The following RAP1GAP2 variants were observed in gnomAD, a reference collection of about 807,000 sequenced individuals.
RAP1GAP2 encodes rap1 GTPase-activating protein 2.
Under a neutral mutation model 95.0 loss-of-function variants are expected in RAP1GAP2, and 27 were observed. The observed-to-expected ratio is 0.28, with a 90% CI of 0.21 to 0.39. The LOEUF (loss-of-function observed/expected upper bound fraction) is 0.39. RAP1GAP2 is among the 10% of genes least tolerant of loss of function. RAP1GAP2 has a pLI of 1.00. For missense variants in RAP1GAP2, 771 were observed against 970.0 expected, an observed-to-expected ratio of 0.79 and a Z score of 2.72; for synonymous variants, 373 against 380.9, an observed-to-expected ratio of 0.98 and a Z score of 0.24.
At position 2,965,217 on chromosome 17, in the gene RAP1GAP2, C is replaced by CT. The variant is rs751431482; in HGVS notation, c.493-321dup. The CT allele has an allele frequency of 1.6e-4, 58 of 362,516 alleles. No homozygotes were observed. Among genetic ancestry groups the CT allele is most frequent in the Admixed American group, 5.5e-4 (13 of 23,568 alleles). 22.5% of individuals were successfully genotyped at this position (362,516 alleles called of 1,614,324 possible). A position where few individuals can be genotyped will look rare whatever the true frequency, so the allele number is the denominator to read the frequency against. On this transcript the variant is annotated intron_variant, in intron 7 of 24. Coordinates refer to ENST00000254695, the MANE Select transcript of RAP1GAP2 (RefSeq NM_015085.5). This position sits in a 1 kb window ranked among gnomAD's most constrained non-coding sequence, Gnocchi z 4.7. Reference sequence around the variant, plus strand: ...GTGCGTTTGAACCCTGGATCTGTCCCTTACTCATCGTGTCATCCTGGGCAG... The same window carrying CT: ...GTGCGTTTGAACCCTGGATCTGTCCCTTTACTCATCGTGTCATCCTGGGCAG...
intron 3 of RAP1GAP2, among the ~76,000 whole-genome samples, chr17:2,925,072 G>A (rs769709574): frequency 6.6e-6 from 1 of 152,208 alleles, no homozygotes; most frequent in African/African-American, 2.4e-5. Flanking sequence ...CAGTTCCGTG[G>A]TCTGGAGAGC....
rs570157111 is a variant in RAP1GAP2 at position 2,965,696 on chromosome 17, C to T, written c.596+53C>T. 21 of 1,349,966 alleles carry T rather than the reference C, an allele frequency of 1.6e-5. No individual in the cohort carries two copies. Among genetic ancestry groups the T allele is most frequent in the African/African-American group, 1.2e-4 (8 of 69,556 alleles). The allele number at this position is 1,349,966 out of a possible 1,614,324, so 83.6% of individuals were successfully genotyped here. On this transcript the variant is annotated intron_variant, in intron 8 of 24. Coordinates refer to ENST00000254695, the MANE Select transcript of RAP1GAP2 (RefSeq NM_015085.5). This position sits in a 1 kb window ranked among gnomAD's most constrained non-coding sequence, Gnocchi z 4.7. ...CTTCTCTTCCAGGCAGGGCTCTCAT[C>T]GGTGGTGTGGGGGCTGGGATGGGAC...
chr17:2,808,935 T>C (rs1178550291), intron 2 of RAP1GAP2, among the ~76,000 whole-genome samples: 2 of 152,180 alleles, frequency 1.3e-5, no homozygotes, highest in African/African-American at 2.4e-5. Flanking sequence ...ATGGTAACCA[T>C]GAACATGCCT....
At chr17:2,916,038 T>C (rs2042557103) in intron 3 of RAP1GAP2, among the ~76,000 whole-genome samples, 1 of 152,154 alleles carries the variant, frequency 6.6e-6, no homozygotes, top group African/African-American at 2.4e-5. Context: ...TAGGATAAAC[T>C]TGTTTTAATT....
At chr17:2,976,533 A>T (rs2045128980) in intron 8 of RAP1GAP2, among the ~76,000 whole-genome samples, 1 of 152,226 alleles carries the variant, frequency 6.6e-6, no homozygotes, top group African/African-American at 2.4e-5. Flanking sequence ...TGTGTATCAA[A>T]TTGTGTGGGC....
chr17:2,889,008 C>T (rs1380601679), intron 2 of RAP1GAP2, among the ~76,000 whole-genome samples: 1 of 152,088 alleles, frequency 6.6e-6, no homozygotes, highest in Non-Finnish European at 1.5e-5. Context: ...GACTCAGGTT[C>T]ATTCCACACC....
chr17:2,857,517 C>T lies in RAP1GAP2; in HGVS notation c.81-47767C>T, dbSNP rs187214167. Among the ~76,000 whole-genome samples, 108 of 152,272 alleles carry T rather than the reference C, an allele frequency of 7.1e-4. No homozygotes were observed. The highest frequency in any genetic ancestry group is 2.4e-3 in the African/African-American group (98 of 41,548). ...TCATGTTGGACTTGACCGTGCTCTA[C>T]GGGAGCTGTGGGGCAGCCTGGAGGT... On this transcript the variant is annotated intron_variant, in intron 2 of 24. Transcript: ENST00000254695. This position sits in a 1 kb window ranked among gnomAD's most constrained non-coding sequence, Gnocchi z 4.0.
intron 2 of RAP1GAP2, among the ~76,000 whole-genome samples, chr17:2,852,342 G>A (rs1189108669): frequency 1.3e-5 from 2 of 151,416 alleles, no homozygotes; most frequent in Non-Finnish European, 2.9e-5. Flanking sequence ...GGGGGTGGGG[G>A]TGGGGGTGGG....
chr17:2,784,534 G>A (rs1014670143), intron 1 of RAP1GAP2, among the ~76,000 whole-genome samples: 3 of 152,300 alleles, frequency 2.0e-5, no homozygotes, highest in Middle Eastern at 3.4e-3. Context: ...GCATCCCAAA[G>A]TGCTGGGATT....
intron 2 of RAP1GAP2, among the ~76,000 whole-genome samples, chr17:2,806,087 CG>C (rs2151489066): frequency 6.6e-6 from 1 of 152,258 alleles, no homozygotes; most frequent in East Asian, 1.9e-4. Context: ...AGGAGAAGGA[CG>C]GGGAGGGCCT....
At chr17:2,755,884 C>A in intron 1 of RAP1GAP2, 1 of 298,820 alleles carries the variant, frequency 3.3e-6, no homozygotes, top group Non-Finnish European at 6.2e-6. Context: ...GGCTGCGGGG[C>A]CCGGGTGGGC....
chr17:2,932,760 G>A (rs2043194240), intron 3 of RAP1GAP2, among the ~76,000 whole-genome samples: 1 of 138,308 alleles, frequency 7.2e-6, no homozygotes, highest in African/African-American at 2.7e-5. Flanking sequence ...AGAGGTTGCA[G>A]TGAGCCAAGA....
At chr17:2,788,360 A>G (rs1188241971) in intron 1 of RAP1GAP2, among the ~76,000 whole-genome samples, 2 of 152,168 alleles carry the variant, frequency 1.3e-5, no homozygotes, top group African/African-American at 2.4e-5. Flanking sequence ...CAGTGGCACA[A>G]TCTCAGCTCA....
chr17:2,830,467 G>C (rs371278183), intron 2 of RAP1GAP2, among the ~76,000 whole-genome samples: 1 of 151,796 alleles, frequency 6.6e-6, no homozygotes, highest in East Asian at 1.9e-4. Context: ...TGTAATCCCA[G>C]CACTTTGGGA....
Position 2,866,193 on chromosome 17 carries a change from CA to C in RAP1GAP2, c.81-39088del, listed in dbSNP as rs1326875961. On this transcript the variant is annotated intron_variant, in intron 2 of 24. Transcript: ENST00000254695. This position sits in a 1 kb window ranked among gnomAD's most constrained non-coding sequence, Gnocchi z 4.0. The stretch of plus-strand genomic sequence containing the variant: ...AGAGATGGAGTGGGAAGCACATCCC[CA>C]AAGGAGACAGTGGAAGACAAGGGGC... Among the ~76,000 whole-genome samples, 7 of 152,174 alleles carry C rather than the reference CA, an allele frequency of 4.6e-5. No individual in the cohort carries two copies. The highest frequency in any genetic ancestry group is 4.6e-4 in the Admixed American group (7 of 15,272).
chr17:2,845,367 T>C (rs1396428486), intron 2 of RAP1GAP2, among the ~76,000 whole-genome samples: 1 of 151,980 alleles, frequency 6.6e-6, no homozygotes, highest in Non-Finnish European at 1.5e-5. Flanking sequence ...GGTCTTGAAC[T>C]CCTGACCTCA....
At chr17:2,987,814 G>A (rs994952720) in intron 11 of RAP1GAP2, among the ~76,000 whole-genome samples, 2 of 152,168 alleles carry the variant, frequency 1.3e-5, no homozygotes, top group Admixed American at 1.3e-4. Flanking sequence ...AAGGCATGGA[G>A]CCCAAGTTCT....
intron 2 of RAP1GAP2, among the ~76,000 whole-genome samples, chr17:2,847,247 T>C (rs2151583993): frequency 6.6e-6 from 1 of 152,270 alleles, no homozygotes; most frequent in Admixed American, 6.5e-5. Context: ...GACCTCGTGA[T>C]CCACCCGCCT....
At chr17:2,940,926 T>G (rs1218172357) in intron 3 of RAP1GAP2, among the ~76,000 whole-genome samples, 1 of 152,106 alleles carries the variant, frequency 6.6e-6, no homozygotes, top group East Asian at 1.9e-4. Flanking sequence ...GTTTGTGGGG[T>G]TGGACCAAGG....
Sources: allele counts gnomAD v4.1 joint callset (sites outside exome capture counted in the v4.1 genomes callset), GRCh38; gene constraint gnomAD v4.1.1; non-coding constraint Gnocchi (gnomAD v3.1); transcripts MANE v1.5; gene names NCBI Gene and HGNC (gene_info 2026-07-23, HGNC 2026-07-21).